The following CDH13 variants were observed in gnomAD, a reference collection of about 807,000 sequenced individuals.
CDH13 encodes cadherin-13.
CDH13 carries 24 observed loss-of-function variants against 63.8 expected under a neutral mutation model. That is an observed-to-expected ratio of 0.38 (90% CI 0.27 to 0.53). CDH13 has a LOEUF of 0.53. Ranked by LOEUF, CDH13 falls within the 20% of genes least tolerant of loss-of-function variation. CDH13 has a pLI of 0.85. For missense variants in CDH13, 1,049 were observed against 903.1 expected (o/e 1.16, Z -2.07); for synonymous variants, 503 against 355.3 (o/e 1.42, Z -4.67).
At chr16:82,752,428 C>T (rs2151071524) in intron 1 of CDH13, among the ~76,000 whole-genome samples, 1 of 152,310 alleles carries the variant, frequency 6.6e-6, no homozygotes, top group South Asian at 2.1e-4. Context: ...GAACAATCTC[C>T]TCTGCAGTAC....
intron 2 of CDH13, among the ~76,000 whole-genome samples, chr16:82,891,740 C>A (rs1023558872): frequency 2.0e-5 from 3 of 152,184 alleles, no homozygotes. Context: ...GTACACATCA[C>A]ACTTTGGGTT....
chr16:82,681,745 C>G (rs550394256), intron 1 of CDH13, among the ~76,000 whole-genome samples: 1 of 152,162 alleles, frequency 6.6e-6, no homozygotes, highest in Non-Finnish European at 1.5e-5. Flanking sequence ...TGCCAAAGCC[C>G]GTGTCCACGC....
chr16:83,772,691 C>T (rs2150999995), intron 11 of CDH13: 1 of 152,306 alleles, frequency 6.6e-6, no homozygotes, highest in Non-Finnish European at 1.5e-5. Flanking sequence ...CAGTACCACA[C>T]TCCTGGTGTG....
intron 4 of CDH13, among the ~76,000 whole-genome samples, chr16:83,183,964 C>T (rs915233936): frequency 6.6e-6 from 1 of 152,046 alleles, no homozygotes; most frequent in Non-Finnish European, 1.5e-5. Flanking sequence ...CAAGAAGTCT[C>T]TAAGGCACCC....
At chr16:82,741,531 C>A (rs1252078747) in intron 1 of CDH13, among the ~76,000 whole-genome samples, 1 of 152,148 alleles carries the variant, frequency 6.6e-6, no homozygotes, top group Non-Finnish European at 1.5e-5. Context: ...CCTGTGAAAT[C>A]CTTGAAGATG....
intron 12 of CDH13, among the ~76,000 whole-genome samples, chr16:83,781,037 T>C (rs1915483440): frequency 6.6e-6 from 1 of 152,244 alleles, no homozygotes; most frequent in South Asian, 2.1e-4. Flanking sequence ...GGTTTAATGA[T>C]GACCTTGGGT....
At chr16:83,497,752 A>C (rs776669242) in intron 7 of CDH13, among the ~76,000 whole-genome samples, 8 of 152,226 alleles carry the variant, frequency 5.3e-5, no homozygotes, top group Non-Finnish European at 8.8e-5. Flanking sequence ...AACGGGCCAT[A>C]GTTGGCCAGC....
intron 4 of CDH13, among the ~76,000 whole-genome samples, chr16:83,132,619 T>C (rs1020505718): frequency 1.3e-5 from 2 of 151,718 alleles, no homozygotes; most frequent in African/African-American, 4.8e-5. Flanking sequence ...AATTTTTGTA[T>C]TTTTTTAGTA....
At chr16:83,577,302 A>G (rs1905151523) in intron 7 of CDH13, among the ~76,000 whole-genome samples, 1 of 152,214 alleles carries the variant, frequency 6.6e-6, no homozygotes, top group African/African-American at 2.4e-5. Flanking sequence ...AAGGAAGAAG[A>G]GAGGAATAGG....
intron 2 of CDH13, among the ~76,000 whole-genome samples, chr16:82,887,749 G>A (rs1055818819): frequency 2.0e-5 from 3 of 152,248 alleles, no homozygotes; most frequent in East Asian, 1.9e-4. Context: ...TGAACCCTGC[G>A]GATGAGAGGT....
Position 83,002,727 on chromosome 16 carries a change from C to T in CDH13, c.158-29283C>T, listed in dbSNP as rs1024840353. Among the ~76,000 whole-genome samples the T allele has an allele frequency of 8.6e-5, 13 of 151,998 alleles. No homozygotes were observed. In the South Asian group the frequency reaches 1.0e-3, roughly 12 times the overall value. ...CAGGAAAGATGCTACTGAGAAGGGG[C>T]GTTCAGAGACTGGGAGGAGGTGAGG... On this transcript the variant is annotated intron_variant, in intron 2 of 13. Transcript: ENST00000567109.
chr16:82,691,433 G>C (rs974426659), intron 1 of CDH13, among the ~76,000 whole-genome samples: 6 of 152,124 alleles, frequency 3.9e-5, no homozygotes, highest in Non-Finnish European at 1.5e-5. Context: ...TGGTGAATGG[G>C]TGTCCCAGCC....
At chr16:82,930,377 C>G (rs1356446418) in intron 2 of CDH13, among the ~76,000 whole-genome samples, 1 of 152,154 alleles carries the variant, frequency 6.6e-6, no homozygotes, top group East Asian at 1.9e-4. Context: ...TAACATTTAA[C>G]AGAGATGCAC....
chr16:83,345,125 C>G, intron 6 of CDH13, 119 bp downstream of exon 6: 1 of 1,143,024 alleles, frequency 8.7e-7, no homozygotes, highest in East Asian at 2.4e-5. Flanking sequence ...TCAGCGTCGA[C>G]TTAATACTTC....
chr16:83,550,369 T>C (rs2075468329), intron 7 of CDH13, among the ~76,000 whole-genome samples: 1 of 152,232 alleles, frequency 6.6e-6, no homozygotes, highest in Non-Finnish European at 1.5e-5. Context: ...GCATCTGCTA[T>C]GATGTCTTAA....
chr16:83,502,056 C>G (rs1399282138), intron 7 of CDH13, among the ~76,000 whole-genome samples: 1 of 152,176 alleles, frequency 6.6e-6, no homozygotes, highest in Non-Finnish European at 1.5e-5. Flanking sequence ...GTTTCTTTGG[C>G]TGTAAAATGG....
At chr16:83,511,108 G>GCATGCACACACATGCACATGTGCACA in intron 7 of CDH13, among the ~76,000 whole-genome samples, 1 of 40,918 alleles carries the variant, frequency 2.4e-5, no homozygotes, top group African/African-American at 1.1e-4. Flanking sequence ...ACACATGCAC[G>GCATGCACACACATGCACATGTGCACA]CATGCACACA....
chr16:82,889,828 G>A (rs547763541), intron 2 of CDH13, among the ~76,000 whole-genome samples: 74 of 152,336 alleles, frequency 4.9e-4, no homozygotes, highest in African/African-American at 1.7e-3. Context: ...AAATACGTAA[G>A]TCTAAAGGGC....
At chr16:82,952,728 C>T (rs1424329023) in intron 2 of CDH13, among the ~76,000 whole-genome samples, 2 of 152,224 alleles carry the variant, frequency 1.3e-5, no homozygotes, top group Non-Finnish European at 2.9e-5. Context: ...CTGCAGCCCA[C>T]TGGCCCCTCC....
Sources: allele counts gnomAD v4.1 joint callset (sites outside exome capture counted in the v4.1 genomes callset), GRCh38; gene constraint gnomAD v4.1.1; transcripts MANE v1.5; gene names NCBI Gene and HGNC (gene_info 2026-07-23, HGNC 2026-07-21).